The following LIMCH1 variants were observed in gnomAD, a reference collection of about 807,000 sequenced individuals.
LIMCH1 encodes LIM and calponin homology domains-containing protein 1.
LIMCH1 carries 113 observed loss-of-function variants against 176.5 expected under a neutral mutation model. The observed-to-expected ratio is 0.64, with a 90% CI of 0.55 to 0.75. The LOEUF (loss-of-function observed/expected upper bound fraction) is 0.75, where lower values mean the gene tolerates loss of function less well. LIMCH1 is among the 30% of genes least tolerant of loss of function. The probability of loss-of-function intolerance (pLI) is 0.00; values close to 1 mark genes in which losing one functional copy is unlikely to be tolerated. For missense variants in LIMCH1, 1,674 were observed against 1,814.9 expected (o/e 0.92, Z 1.41); for synonymous variants, 619 against 645.9 (o/e 0.96, Z 0.63).
intron 2 of LIMCH1, among the ~76,000 whole-genome samples, chr4:41,506,394 T>C (rs1470556701): frequency 1.3e-5 from 2 of 152,334 alleles, no homozygotes; most frequent in East Asian, 3.9e-4. Flanking sequence ...GGTGTAACTT[T>C]GTGTGGAGAC....
intron 1 of LIMCH1, among the ~76,000 whole-genome samples, chr4:41,435,483 A>T (rs191757689): frequency 5.9e-4 from 90 of 152,350 alleles, no homozygotes; most frequent in African/African-American, 2.1e-3. Context: ...CACTAAACTT[A>T]ATGTGGTAAC....
rs529821124 is a variant in LIMCH1, at chr4:41,460,587, C to G, written c.97-33949C>G. Among the ~76,000 whole-genome samples the G allele has an allele frequency of 2.5e-3, 386 of 151,374 alleles. 2 individuals are homozygous for G. The highest frequency in any genetic ancestry group is 2.4e-3 in the Non-Finnish European group (166 of 67,914). ...GTGTGTTGGTTATACGATTGATTCT[C>G]AGTGCTTTTCAGTATTTTTCTAATT... On this transcript the variant is annotated intron_variant, in intron 1 of 26. Transcript: ENST00000313860.
chr4:41,619,532 A>G, intron 6 of LIMCH1, 92 bp downstream of exon 6: 1 of 1,492,204 alleles, frequency 6.7e-7, no homozygotes, highest in Non-Finnish European at 9.1e-7. Flanking sequence ...TAAATGACCA[A>G]TTCAGAACTT....
chr4:41,362,158 G>A (rs1440121273), intron 1 of LIMCH1, among the ~76,000 whole-genome samples: 2 of 152,206 alleles, frequency 1.3e-5, no homozygotes, highest in Non-Finnish European at 2.9e-5. Context: ...TCCAGCCAGA[G>A]ACCTGTACCC....
At chr4:41,545,391 A>G (rs543168205) in intron 1 of LIMCH1, among the ~76,000 whole-genome samples, 1 of 152,352 alleles carries the variant, frequency 6.6e-6, no homozygotes, top group Admixed American at 6.5e-5. Context: ...CACATTATGT[A>G]AGAAAGGACT....
intron 3 of LIMCH1, among the ~76,000 whole-genome samples, chr4:41,529,809 A>G (rs1263893787): frequency 1.3e-5 from 2 of 152,088 alleles, no homozygotes; most frequent in Non-Finnish European, 2.9e-5. Flanking sequence ...GAGCTCTGTG[A>G]AAGGCCTTAC....
chr4:41,658,838 G>A (rs1382666761), intron 18 of LIMCH1, among the ~76,000 whole-genome samples: 1 of 152,044 alleles, frequency 6.6e-6, no homozygotes, highest in Non-Finnish European at 1.5e-5. Context: ...TATAGTATTT[G>A]TAAACACCAG....
Position 41,629,495 on chromosome 4 carries a change from C to T in LIMCH1, c.1032C>T (p.Asn344=). Residue 344 remains asparagine (N), a synonymous_variant, in exon 9 of 32, where the codon AAC becomes AAT. Transcript: ENST00000503057. ...SKKRSLEYKR[N]QGHTEEVKLI... ...GGGGCCCGGATCAAATGGACAGAAA[C>T]CAGGGCCACACAGAAGAGGTGAAGT... 6.5e-7 allele frequency: 1 copy of T among 1,535,862 alleles called. No homozygotes were observed. Among genetic ancestry groups the T allele is most frequent in the Non-Finnish European group, 8.7e-7 (1 of 1,146,854 alleles).
At chr4:41,692,465 T>A in intron 31 of LIMCH1, 81 bp downstream of exon 31, 1 of 885,262 alleles carries the variant, frequency 1.1e-6, no homozygotes, top group East Asian at 2.5e-5. Context: ...AATTCAAATA[T>A]TTTTCCCCAG....
chr4:41,606,799 T>A lies in LIMCH1; in HGVS notation c.9+795T>A, dbSNP rs114674102. Among the ~76,000 whole-genome samples the A allele has an allele frequency of 9.3e-3, 1,420 of 152,268 alleles. 14 individuals carry two copies. The highest frequency in any genetic ancestry group is 0.029 in the African/African-American group (1,201 of 41,546). ...TATAATGGACCTCCATGTACTTTTT[T>A]AATTATTTTATTTTTTTGAGATGGA... On this transcript the variant is annotated intron_variant, in intron 4 of 31. Transcript: ENST00000503057.
At chr4:41,574,729 A>G (rs969127958) in intron 1 of LIMCH1, among the ~76,000 whole-genome samples, 1 of 152,150 alleles carries the variant, frequency 6.6e-6, no homozygotes, top group East Asian at 1.9e-4. Flanking sequence ...CGAGTATTCT[A>G]TTACGCTGTT....
At chr4:41,666,847 A>G (rs2094844489) in intron 21 of LIMCH1, among the ~76,000 whole-genome samples, 181 bp downstream of exon 21, 1 of 152,182 alleles carries the variant, frequency 6.6e-6, no homozygotes, top group Non-Finnish European at 1.5e-5. Flanking sequence ...CGGATTCTCT[A>G]TTTGAGCAGA....
chr4:41,586,661 T>C (rs1044494591), intron 1 of LIMCH1, among the ~76,000 whole-genome samples: 21 of 152,202 alleles, frequency 1.4e-4, no homozygotes, highest in Admixed American at 7.2e-4. Flanking sequence ...AATATAGTAA[T>C]GCATATGTTG....
At chr4:41,593,848 C>T (rs1448638122) in intron 1 of LIMCH1, among the ~76,000 whole-genome samples, 1 of 152,202 alleles carries the variant, frequency 6.6e-6, no homozygotes, top group Non-Finnish European at 1.5e-5. Flanking sequence ...AGTTGACTGT[C>T]CCTTGATCTA....
intron 1 of LIMCH1, among the ~76,000 whole-genome samples, chr4:41,572,442 G>T (rs2083709414): frequency 6.6e-6 from 1 of 152,072 alleles, no homozygotes; most frequent in African/African-American, 2.4e-5. Context: ...GAAAATATGA[G>T]ACATCTTAAT....
intron 1 of LIMCH1, among the ~76,000 whole-genome samples, chr4:41,581,239 A>G (rs1040355080): frequency 6.6e-6 from 1 of 152,142 alleles, no homozygotes; most frequent in African/African-American, 2.4e-5. Context: ...ATGATTTGGT[A>G]TATGTATACA....
chr4:41,635,080 A>G lies in LIMCH1; in HGVS notation c.2090+1272A>G, dbSNP rs573860276. 3.9e-5 allele frequency among the ~76,000 whole-genome samples: 6 copies of G among 152,308 alleles called. No homozygotes were observed. In the South Asian group the frequency reaches 1.2e-3, roughly 32 times the overall value. The stretch of plus-strand genomic sequence containing the variant: ...GGAAGAATTTTCATCTGCATTTTGC[A>G]GTTAGGAAACTGAGGTCCACATGTA... On this transcript the variant is annotated intron_variant, in intron 13 of 31. Coordinates refer to ENST00000503057, the MANE Select transcript of LIMCH1 (RefSeq NM_001330672.2).
rs13106687 is a variant in LIMCH1 at position 41,592,733 on chromosome 4, T to C, written c.-240-6187T>C. Among the ~76,000 whole-genome samples the C allele has an allele frequency of 2.5e-3, 379 of 152,304 alleles. 1 individual carries two copies. The highest frequency in any genetic ancestry group is 2.9e-3 in the Non-Finnish European group (197 of 68,020). The stretch of plus-strand genomic sequence containing the variant: ...TCCCCCACCTTATGAGTTAGAAATC[T>C]GAGGATCAGAAAGGTTAGGAACTAT... On this transcript the variant is annotated intron_variant, in intron 1 of 31. Coordinates refer to ENST00000503057, the MANE Select transcript of LIMCH1 (RefSeq NM_001330672.2).
At chr4:41,430,747 T>C (rs189438193) in intron 1 of LIMCH1, among the ~76,000 whole-genome samples, 33 of 152,392 alleles carry the variant, frequency 2.2e-4, no homozygotes, top group Non-Finnish European at 4.6e-4. Context: ...AATCTTTATA[T>C]GTGAAAGACA....
Sources: allele counts gnomAD v4.1 joint callset (sites outside exome capture counted in the v4.1 genomes callset), GRCh38; gene constraint gnomAD v4.1.1; transcripts MANE v1.5; gene names NCBI Gene and HGNC (gene_info 2026-07-23, HGNC 2026-07-21).